CFAP299: variants seen among roughly 807,000 people sequenced by gnomAD.
CFAP299 encodes the protein cilia- and flagella-associated protein 299.
In CFAP299, 21 loss-of-function variants were observed where a neutral mutation model predicts 27.0. That is an observed-to-expected ratio of 0.78 (90% CI 0.55 to 1.12). The LOEUF (loss-of-function observed/expected upper bound fraction) is 1.12, where lower values mean the gene tolerates loss of function less well. CFAP299 is among the 50% of genes most tolerant of loss of function. CFAP299 has a pLI of 0.00. For missense variants in CFAP299, 310 were observed against 276.6 expected, an observed-to-expected ratio of 1.12 and a Z score of -0.86; for synonymous variants, 104 against 98.1, an observed-to-expected ratio of 1.06 and a Z score of -0.36.
At chr4:80,835,746 C>CAT (rs1204780150) in intron 3 of CFAP299, among the ~76,000 whole-genome samples, 2 of 152,176 alleles carry the variant, frequency 1.3e-5, no homozygotes, top group African/African-American at 4.8e-5. Context: ...CCAACACCTT[C>CAT]ATAGGGGACT....
intron 2 of CFAP299, among the ~76,000 whole-genome samples, chr4:80,558,358 G>GTTTTTTT (rs1174909337): frequency 1.6e-5 from 2 of 121,680 alleles, no homozygotes; most frequent in African/African-American, 3.3e-5. Flanking sequence ...TTGTTTGTTT[G>GTTTTTTT]TTTGTTTGTT....
At chr4:80,801,884 G>A (rs1240847993) in intron 3 of CFAP299, among the ~76,000 whole-genome samples, 1 of 152,068 alleles carries the variant, frequency 6.6e-6, no homozygotes, top group African/African-American at 2.4e-5. Context: ...GTAAAGTTCA[G>A]TAGAAATGCA....
At chr4:80,762,778 A>G (rs944514635) in intron 3 of CFAP299, among the ~76,000 whole-genome samples, 1 of 151,920 alleles carries the variant, frequency 6.6e-6, no homozygotes, top group African/African-American at 2.4e-5. Context: ...AAGCCACACT[A>G]TTTTCCCAGG....
At chr4:80,440,235 T>C (rs1476672000) in intron 2 of CFAP299, among the ~76,000 whole-genome samples, 1 of 152,182 alleles carries the variant, frequency 6.6e-6, no homozygotes, top group Non-Finnish European at 1.5e-5. Flanking sequence ...GGTGGGTCCC[T>C]GACCCCCATG....
At chr4:80,821,244 T>C (rs1213537495) in intron 3 of CFAP299, among the ~76,000 whole-genome samples, 1 of 152,236 alleles carries the variant, frequency 6.6e-6, no homozygotes, top group Non-Finnish European at 1.5e-5. Context: ...ATTTAGAAAT[T>C]CATCACAGAA....
At chr4:80,887,055 A>T (rs188656259) in intron 4 of CFAP299, among the ~76,000 whole-genome samples, 31 of 152,196 alleles carry the variant, frequency 2.0e-4, no homozygotes, top group Admixed American at 1.3e-3. Flanking sequence ...GAAAAAAAAT[A>T]AACAATGAAG....
intron 3 of CFAP299, among the ~76,000 whole-genome samples, chr4:80,861,511 C>T (rs1369006985): frequency 6.6e-6 from 1 of 152,192 alleles, no homozygotes; most frequent in East Asian, 1.9e-4. Flanking sequence ...GTCACTCATG[C>T]TGGGAGCTGT....
At chr4:80,708,564 T>C (rs1431257896) in intron 3 of CFAP299, among the ~76,000 whole-genome samples, 1 of 152,154 alleles carries the variant, frequency 6.6e-6, no homozygotes, top group East Asian at 1.9e-4. Flanking sequence ...TAAGATTATA[T>C]TTTAAGCTAG....
chr4:80,326,126 A>G, the CFAP299 span, among the ~76,000 whole-genome samples: 7 of 152,126 alleles, frequency 4.6e-5, no homozygotes, highest in Admixed American at 2.6e-4. Context: ...TAATTCCATA[A>G]TCTAGTTGTC....
chr4:80,963,449 A>AG (rs1738445764), intron 5 of CFAP299, 68 bp from the exon 6 acceptor site: 6 of 944,456 alleles, frequency 6.4e-6, no homozygotes, highest in Non-Finnish European at 8.8e-6. Flanking sequence ...AAAAAAATAA[A>AG]AAAAAAATTT....
chr4:80,796,847 G>T (rs958888495), intron 3 of CFAP299, among the ~76,000 whole-genome samples: 1 of 152,034 alleles, frequency 6.6e-6, no homozygotes, highest in African/African-American at 2.4e-5. Context: ...ACTTCCATTT[G>T]CCCTTTCCCA....
At chr4:80,856,059 C>T (rs2110152871) in intron 3 of CFAP299, among the ~76,000 whole-genome samples, 1 of 151,220 alleles carries the variant, frequency 6.6e-6, no homozygotes, top group Non-Finnish European at 1.5e-5. Flanking sequence ...CACATCCTCT[C>T]CAGCACCTGT....
In CFAP299 at chr4:80,457,250, A is replaced by G. The variant is rs192567325; in HGVS notation, c.242+94366A>G. 4.0e-3 allele frequency among the ~76,000 whole-genome samples: 609 copies of G among 152,336 alleles called. 5 individuals carry two copies. Among genetic ancestry groups the G allele is most frequent in the South Asian group, 6.6e-3 (32 of 4,832 alleles). ...TCCACAACAAAAAAATCATATGGGA[A>G]GTTGAATAAGTATCTTTGTTATTAG... On this transcript the variant is annotated intron_variant, in intron 2 of 5. Transcript: ENST00000358105.
At chr4:80,954,349 C>T (rs949179423) in intron 5 of CFAP299, among the ~76,000 whole-genome samples, 1 of 152,124 alleles carries the variant, frequency 6.6e-6, no homozygotes, top group Non-Finnish European at 1.5e-5. Flanking sequence ...CCAGCAAATA[C>T]TCATAATTTC....
chr4:80,866,059 T>TTTTATATATATATA (rs886156357), intron 3 of CFAP299, among the ~76,000 whole-genome samples: 59 of 58,380 alleles, frequency 1.0e-3, no homozygotes, highest in African/African-American at 1.7e-3. Context: ...ACTTAAAGTA[T>TTTTATATATATATA]TATATATATA....
intron 2 of CFAP299, among the ~76,000 whole-genome samples, chr4:80,477,827 G>A (rs1333570687): frequency 6.6e-6 from 1 of 152,028 alleles, no homozygotes; most frequent in Non-Finnish European, 1.5e-5. Context: ...CAACTTACTT[G>A]CTCCTACATT....
At chr4:80,456,850 A>G (rs914207726) in intron 2 of CFAP299, among the ~76,000 whole-genome samples, 2 of 152,160 alleles carry the variant, frequency 1.3e-5, no homozygotes, top group African/African-American at 2.4e-5. Context: ...TCCAATGCAT[A>G]GAAGTTTGAC....
chr4:80,793,186 G>A (rs1727670070), intron 3 of CFAP299, among the ~76,000 whole-genome samples: 1 of 151,736 alleles, frequency 6.6e-6, no homozygotes, highest in South Asian at 2.1e-4. Flanking sequence ...TAGGCTGTCT[G>A]CAAGCTGAGG....
intron 3 of CFAP299, among the ~76,000 whole-genome samples, chr4:80,854,320 G>A (rs1298415664): frequency 6.6e-6 from 1 of 151,004 alleles, no homozygotes; most frequent in Non-Finnish European, 1.5e-5. Flanking sequence ...GAAAATGACT[G>A]TAATAGCTAA....
Sources: gnomAD v4.1 joint callset for allele counts (sites outside exome capture counted in the v4.1 genomes callset) on GRCh38, gnomAD v4.1.1 for gene constraint, MANE v1.5 for transcripts, NCBI Gene and HGNC (gene_info 2026-07-23, HGNC 2026-07-21) for gene names.